The following OXSR1 variants were observed in gnomAD, a reference collection of about 807,000 sequenced individuals.
The protein encoded by OXSR1 is oxidative stress responsive kinase 1.
In OXSR1, 24 loss-of-function variants were observed where a neutral mutation model predicts 79.8. The ratio of observed to expected loss-of-function variants is 0.30; its 90% CI spans 0.22 to 0.42. The LOEUF (loss-of-function observed/expected upper bound fraction) is 0.42. Ranked by LOEUF, OXSR1 falls within the 10% of genes least tolerant of loss-of-function variation. The pLI is 1.00. For missense variants in OXSR1, 430 were observed against 618.4 expected, an observed-to-expected ratio of 0.70 and a Z score of 3.23; for synonymous variants, 226 against 209.2, an observed-to-expected ratio of 1.08 and a Z score of -0.69.
chr3:38,216,013 G>C, intron 4 of OXSR1, 83 bp from the exon 5 acceptor site: 1 of 795,048 alleles, frequency 1.3e-6, no homozygotes, highest in Non-Finnish European at 2.1e-6. Flanking sequence ...AGTATTACAT[G>C]AATATAGTAA....
At chr3:38,240,151 A>G (rs575286256) in intron 11 of OXSR1, among the ~76,000 whole-genome samples, 2 of 152,326 alleles carry the variant, frequency 1.3e-5, no homozygotes, top group South Asian at 2.1e-4. Context: ...ACCTATGAAT[A>G]TAGTATTTGA....
chr3:38,202,328 A>AAG (rs1033628837), intron 4 of OXSR1, among the ~76,000 whole-genome samples: 4 of 152,016 alleles, frequency 2.6e-5, no homozygotes, highest in African/African-American at 9.7e-5. Flanking sequence ...ATGAACAACA[A>AAG]AGAGAGAGAG....
chr3:38,181,130 T>C lies in OXSR1; in HGVS notation c.71-1873T>C, dbSNP rs77531485. ...TAAGGCTTTGTTCTTTTTTTTTTTTTCCCTAGTCTGTTTTCTCTCTGTTGT... is the reference window on the plus strand; with the variant it reads ...TAAGGCTTTGTTCTTTTTTTTTTTTCCCCTAGTCTGTTTTCTCTCTGTTGT... On this transcript the variant is annotated intron_variant, in intron 1 of 17. Coordinates refer to ENST00000311806, the MANE Select transcript of OXSR1 (RefSeq NM_005109.3). Among the ~76,000 whole-genome samples, 1,040 of 151,718 alleles carry C rather than the reference T, an allele frequency of 6.9e-3. 13 individuals carry two copies. Among genetic ancestry groups the C allele is most frequent in the African/African-American group, 0.024 (1,001 of 41,358 alleles).
At chr3:38,215,596 G>A (rs1028375042) in intron 4 of OXSR1, among the ~76,000 whole-genome samples, 7 of 152,120 alleles carry the variant, frequency 4.6e-5, no homozygotes, top group South Asian at 2.1e-4. Flanking sequence ...GATGGTCAAA[G>A]GGATTTTGGC....
chr3:38,203,366 G>A (rs754695216), intron 4 of OXSR1, among the ~76,000 whole-genome samples: 5 of 152,090 alleles, frequency 3.3e-5, no homozygotes, highest in South Asian at 2.1e-4. Flanking sequence ...ACTGGTCTCC[G>A]TGTCTTGATG....
chr3:38,168,344 G>C (rs552411201), intron 1 of OXSR1, among the ~76,000 whole-genome samples: 2 of 151,974 alleles, frequency 1.3e-5, no homozygotes, highest in African/African-American at 4.8e-5. Flanking sequence ...GCTTTCTTAC[G>C]AGTTAATCCC....
intron 8 of OXSR1, among the ~76,000 whole-genome samples, chr3:38,227,803 A>C (rs1276515301): frequency 1.3e-5 from 2 of 151,974 alleles, no homozygotes; most frequent in African/African-American, 4.8e-5. Context: ...GCAAAGACAA[A>C]CTCCTACAGG....
At chr3:38,166,180 A>C (rs903548350) in intron 1 of OXSR1, among the ~76,000 whole-genome samples, 9 of 152,066 alleles carry the variant, frequency 5.9e-5, no homozygotes, top group Admixed American at 1.3e-4. Flanking sequence ...GAGGGGGCTC[A>C]GGAGAGATTT....
rs998903145 is a variant in OXSR1 at position 38,254,388 on chromosome 3, A to G, written c.*1497A>G. ...GTCATGGGCTTTCTTCACCTGCTCT[A>G]GGTGCAAAGGCATGTTGGGAAAGAG... On this transcript the variant is annotated 3_prime_UTR_variant, in exon 18 of 18. Coordinates refer to ENST00000311806, the MANE Select transcript of OXSR1 (RefSeq NM_005109.3). 5.1e-6 allele frequency: 2 copies of G among 393,356 alleles called. No homozygotes were observed. The highest frequency in any genetic ancestry group is 4.4e-5 in the Admixed American group (1 of 22,536). 24.4% of individuals were successfully genotyped at this position (393,356 alleles called of 1,614,324 possible).
At chr3:38,194,864 G>A (rs1702045784) in intron 3 of OXSR1, among the ~76,000 whole-genome samples, 1 of 152,110 alleles carries the variant, frequency 6.6e-6, no homozygotes, top group South Asian at 2.1e-4. Flanking sequence ...GAAAACAAAA[G>A]CACAGTTTTG....
intron 10 of OXSR1, among the ~76,000 whole-genome samples, chr3:38,232,099 T>G (rs982984614): frequency 4.0e-5 from 6 of 151,558 alleles, no homozygotes; most frequent in Non-Finnish European, 7.4e-5. Context: ...AGAGCAAGAC[T>G]CTGTCTCAAA....
At chr3:38,177,524 T>A (rs981621036) in intron 1 of OXSR1, among the ~76,000 whole-genome samples, 1 of 152,236 alleles carries the variant, frequency 6.6e-6, no homozygotes, top group African/African-American at 2.4e-5. Context: ...GGGGATGATG[T>A]TATTGAATGC....
intron 5 of OXSR1, among the ~76,000 whole-genome samples, chr3:38,220,316 T>C (rs156260): frequency 0.81 from 122,775 of 152,134 alleles, 49,917 homozygotes; most frequent in East Asian, 0.92. Context: ...TTCTCACAAT[T>C]GGGTTTTCTG....
At chr3:38,242,824 T>A in intron 12 of OXSR1, 46 bp downstream of exon 12, 1 of 1,207,906 alleles carries the variant, frequency 8.3e-7, no homozygotes. Context: ...AAATGTGCTT[T>A]TGTTTTGGTT....
chr3:38,191,658 A>G (rs1701987052), intron 3 of OXSR1, among the ~76,000 whole-genome samples: 2 of 152,106 alleles, frequency 1.3e-5, no homozygotes, highest in Non-Finnish European at 2.9e-5. Flanking sequence ...ATCTGGTTGA[A>G]TCTTTAATAG....
At chr3:38,206,525 C>T (rs898950210) in intron 4 of OXSR1, among the ~76,000 whole-genome samples, 1 of 149,538 alleles carries the variant, frequency 6.7e-6, no homozygotes, top group African/African-American at 2.5e-5. Context: ...GAGACAATGA[C>T]CCTAAATGTA....
intron 4 of OXSR1, among the ~76,000 whole-genome samples, chr3:38,213,385 C>G (rs920726176): frequency 3.9e-5 from 6 of 152,080 alleles, no homozygotes; most frequent in African/African-American, 1.4e-4. Flanking sequence ...GACCATTACT[C>G]CTCAAAACTG....
At chr3:38,220,897 T>G (rs918077782) in intron 5 of OXSR1, among the ~76,000 whole-genome samples, 1 of 152,184 alleles carries the variant, frequency 6.6e-6, no homozygotes, top group Non-Finnish European at 1.5e-5. Flanking sequence ...GTCCTCCTCA[T>G]CAGTGACTGG....
chr3:38,223,746 G>A (rs1702635472), intron 6 of OXSR1, 66 bp from the exon 7 acceptor site: 2 of 1,161,614 alleles, frequency 1.7e-6, no homozygotes, highest in South Asian at 1.3e-5. Context: ...CTCCACCCTG[G>A]CCAGAAGCTA....
Sources: gnomAD v4.1 joint callset for allele counts (sites outside exome capture counted in the v4.1 genomes callset) on GRCh38, gnomAD v4.1.1 for gene constraint, MANE v1.5 for transcripts, NCBI Gene and HGNC (gene_info 2026-07-23, HGNC 2026-07-21) for gene names.